Variants in STXBP4 observed in about 807,000 individuals in gnomAD.
STXBP4 encodes the protein syntaxin-binding protein 4.
Under a neutral mutation model 76.1 loss-of-function variants are expected in STXBP4, and 55 were observed. That is an observed-to-expected ratio of 0.72 (90% CI 0.58 to 0.91). The LOEUF (loss-of-function observed/expected upper bound fraction) is 0.91. STXBP4 is among the 40% of genes least tolerant of loss of function. The probability of loss-of-function intolerance (pLI) is 0.00; values close to 1 mark genes in which losing one functional copy is unlikely to be tolerated. For missense variants in STXBP4, 618 were observed against 636.9 expected (o/e 0.97, Z 0.32); for synonymous variants, 201 against 220.2 (o/e 0.91, Z 0.77).
At chr17:55,101,018 T>A (rs1405807585) in intron 16 of STXBP4, among the ~76,000 whole-genome samples, 2 of 152,130 alleles carry the variant, frequency 1.3e-5, no homozygotes, top group Non-Finnish European at 2.9e-5. Context: ...CCTTATGAGA[T>A]CCTAAGCAGA....
intron 16 of STXBP4, among the ~76,000 whole-genome samples, chr17:55,109,875 G>A (rs981372926): frequency 2.0e-5 from 3 of 152,138 alleles, no homozygotes; most frequent in African/African-American, 7.2e-5. Context: ...CTGGCCTCAA[G>A]CAATCCACCA....
At chr17:55,185,260 TCTC>T in the STXBP4 span, among the ~76,000 whole-genome samples, 35 of 50,644 alleles carry the variant, frequency 6.9e-4, no homozygotes, top group African/African-American at 3.2e-3. Flanking sequence ...TCCTTCTCCT[TCTC>T]CTTCTCCTTC....
chr17:55,185,316 T>C, the STXBP4 span, among the ~76,000 whole-genome samples: 1,067 of 140,198 alleles, frequency 7.6e-3, 37 homozygotes, highest in African/African-American at 0.022. Context: ...CTTCTCCTTC[T>C]CCTTCTCCTT....
intron 11 of STXBP4, 34 bp downstream of exon 11, chr17:55,043,359 C>A (rs1473023894): frequency 1.6e-6 from 2 of 1,265,698 alleles, no homozygotes; most frequent in Non-Finnish European, 2.1e-6. Context: ...ATGTTTTCTT[C>A]AGAAAAAAAA....
intron 12 of STXBP4, among the ~76,000 whole-genome samples, chr17:55,069,977 G>C (rs2144860054): frequency 6.6e-6 from 1 of 151,924 alleles, no homozygotes; most frequent in South Asian, 2.1e-4. Context: ...GAAAAATGGA[G>C]AGTGAAGCAG....
intron 16 of STXBP4, among the ~76,000 whole-genome samples, chr17:55,112,911 T>C (rs946619781): frequency 6.6e-6 from 1 of 152,110 alleles, no homozygotes; most frequent in African/African-American, 2.4e-5. Flanking sequence ...TGATAAATGC[T>C]GATAACAAGG....
chr17:55,078,400 G>A (rs2079214582), intron 14 of STXBP4, among the ~76,000 whole-genome samples: 1 of 152,158 alleles, frequency 6.6e-6, no homozygotes, highest in Non-Finnish European at 1.5e-5. Context: ...ATTGAGACAA[G>A]GTGATGGGAT....
At chr17:55,189,591 G>A in the STXBP4 span, among the ~76,000 whole-genome samples, 1 of 152,214 alleles carries the variant, frequency 6.6e-6, no homozygotes, top group African/African-American at 2.4e-5. Context: ...CCAGATGGAA[G>A]GAGACAGTTT....
At chr17:55,129,723 T>C (rs2079954347) in intron 16 of STXBP4, among the ~76,000 whole-genome samples, 1 of 152,246 alleles carries the variant, frequency 6.6e-6, no homozygotes, top group Non-Finnish European at 1.5e-5. Flanking sequence ...GTGTCCCATC[T>C]CTAATTTAGA....
intron 8 of STXBP4, among the ~76,000 whole-genome samples, chr17:55,009,620 T>C (rs1314990927): frequency 6.6e-6 from 1 of 152,160 alleles, no homozygotes; most frequent in Admixed American, 6.5e-5. Flanking sequence ...CAAATTATTT[T>C]TGTGGAAAAG....
intron 9 of STXBP4, among the ~76,000 whole-genome samples, chr17:55,033,388 TAAATA>T (rs1555570864): frequency 4.6e-5 from 7 of 150,984 alleles, no homozygotes; most frequent in African/African-American, 7.3e-5. Context: ...AATAAATAAA[TAAATA>T]AAATAAAATA....
intron 17 of STXBP4, among the ~76,000 whole-genome samples, chr17:55,145,268 G>C (rs1348571302): frequency 1.3e-5 from 2 of 152,188 alleles, no homozygotes; most frequent in Non-Finnish European, 2.9e-5. Flanking sequence ...TTTGAGGTAA[G>C]AGTGATTCAT....
At position 55,078,176 on chromosome 17, in the gene STXBP4, G is replaced by A; in HGVS notation, c.1287G>A (p.Lys429=). ...ARKTFEASTE[K]LLHFVEAIQE... ...AAACTTTTGAGGCATCCACTGAAAAGCTTCTTCATTTTGTAGAGGTAAGTT... is the reference window on the plus strand; with the variant it reads ...AAACTTTTGAGGCATCCACTGAAAAACTTCTTCATTTTGTAGAGGTAAGTT... Residue 429 remains lysine, a synonymous_variant, in exon 14 of 18, where the codon AAG becomes AAA. Transcript: ENST00000376352. 1.2e-6 allele frequency: 2 copies of A among 1,609,990 alleles called. No individual in the cohort carries two copies. Among genetic ancestry groups the A allele is most frequent in the South Asian group, 1.1e-5 (1 of 90,392 alleles).
chr17:55,209,710 C>G, the STXBP4 span, among the ~76,000 whole-genome samples: 2 of 152,184 alleles, frequency 1.3e-5, no homozygotes, highest in African/African-American at 2.4e-5. Flanking sequence ...ATATCTGATG[C>G]TGATGCTGTG....
intron 4 of STXBP4, chr17:54,991,361 AC>A (rs1567706915): frequency 6.6e-6 from 1 of 152,380 alleles, no homozygotes; most frequent in Non-Finnish European, 1.5e-5. Flanking sequence ...GAAACAGCAA[AC>A]AAAATCTAAT....
rs559924417 is a variant in STXBP4, at chr17:55,018,006, G to T, written c.666+10409G>T. On this transcript the variant is annotated intron_variant, in intron 8 of 17. Coordinates refer to ENST00000376352, the MANE Select transcript of STXBP4 (RefSeq NM_178509.6). ...TCGTGGTCGCCAAAATGTTACTGGG[G>T]GTCCTTGCTCCCAGGGCTCCCAGGA... Among the ~76,000 whole-genome samples, 4 of 152,206 alleles carry T rather than the reference G, an allele frequency of 2.6e-5. No homozygotes were observed. The South Asian group carries it at 8.3e-4, about 32-fold the overall frequency.
intron 16 of STXBP4, among the ~76,000 whole-genome samples, chr17:55,090,469 A>C (rs1273366654): frequency 6.6e-6 from 1 of 152,072 alleles, no homozygotes; most frequent in East Asian, 1.9e-4. Flanking sequence ...TTTCACCCAG[A>C]GGTTTGAGAG....
chr17:55,112,105 C>T (rs567227000), intron 16 of STXBP4, among the ~76,000 whole-genome samples: 4 of 151,532 alleles, frequency 2.6e-5, no homozygotes, highest in Admixed American at 2.0e-4. Context: ...TTTTTTAAAG[C>T]GATGGGGTCT....
At chr17:55,117,304 G>A (rs1235395278) in intron 16 of STXBP4, among the ~76,000 whole-genome samples, 1 of 151,800 alleles carries the variant, frequency 6.6e-6, no homozygotes, top group Non-Finnish European at 1.5e-5. Flanking sequence ...TACATGTTAA[G>A]TGATGTGACA....
Sources: allele counts gnomAD v4.1 joint callset (sites outside exome capture counted in the v4.1 genomes callset), GRCh38; gene constraint gnomAD v4.1.1; transcripts MANE v1.5; gene names NCBI Gene and HGNC (gene_info 2026-07-23, HGNC 2026-07-21).